The following HIVEP1 variants were observed in gnomAD, a reference collection of about 807,000 sequenced individuals.
HIVEP1 encodes the protein HIVEP zinc finger 1.
Under a neutral mutation model 180.0 loss-of-function variants are expected in HIVEP1, and 36 were observed. The observed-to-expected ratio is 0.20, with a 90% CI of 0.15 to 0.26. The LOEUF (loss-of-function observed/expected upper bound fraction) is 0.26, where lower values mean the gene tolerates loss of function less well. Ranked by LOEUF, HIVEP1 falls within the 10% of genes least tolerant of loss-of-function variation. HIVEP1 has a pLI of 1.00. For missense variants in HIVEP1, 3,143 were observed against 3,268.7 expected (o/e 0.96, Z 0.94); for synonymous variants, 1,239 against 1,239.0 (o/e 1.00, Z 0.00).
intron 7 of HIVEP1, among the ~76,000 whole-genome samples, chr6:12,140,115 T>C (rs978144371): frequency 6.6e-6 from 1 of 152,048 alleles, no homozygotes; most frequent in East Asian, 1.9e-4. Flanking sequence ...TACAGGCGGG[T>C]ACCCCTCTGG....
At chr6:12,100,315 T>A (rs562067244) in intron 3 of HIVEP1, among the ~76,000 whole-genome samples, 1 of 152,180 alleles carries the variant, frequency 6.6e-6, no homozygotes, top group Admixed American at 6.5e-5. Flanking sequence ...GTTAACAATT[T>A]ATAGCATTTT....
chr6:12,118,140 T>TG (rs1491267169), intron 3 of HIVEP1, among the ~76,000 whole-genome samples: 5 of 22,094 alleles, frequency 2.3e-4, no homozygotes, highest in East Asian at 3.8e-3. Context: ...GACCCCCTTT[T>TG]GTTTTTTTTT....
In HIVEP1 at chr6:12,032,139, C is replaced by CTT. The variant is rs71877836; in HGVS notation, c.40+16489_40+16490dup. Among the ~76,000 whole-genome samples the CTT allele has an allele frequency of 8.3e-3, 1,107 of 133,710 alleles. 24 individuals carry two copies. The highest frequency in any genetic ancestry group is 0.03 in the African/African-American group (1,014 of 34,218). The allele number at this position is 133,710 out of a possible 152,430, so 87.7% of individuals were successfully genotyped here. A position where few individuals can be genotyped will look rare whatever the true frequency, so the allele number is the denominator to read the frequency against. ...ATGCAAATGTTAGTTCACTGATAACCTTTTTTTTTTTTTTTTTTTGAGACA... is the reference window on the plus strand; with the variant it reads ...ATGCAAATGTTAGTTCACTGATAACCTTTTTTTTTTTTTTTTTTTTTGAGACA... On this transcript the variant is annotated intron_variant, in intron 2 of 8. Transcript: ENST00000379388.
At chr6:12,060,024 T>C (rs1771127264) in intron 2 of HIVEP1, among the ~76,000 whole-genome samples, 1 of 152,228 alleles carries the variant, frequency 6.6e-6, no homozygotes. Context: ...TGGATTTCAA[T>C]TGATTTCGAA....
chr6:12,135,201 A>G (rs3777772), intron 6 of HIVEP1, among the ~76,000 whole-genome samples: 27,254 of 152,172 alleles, frequency 0.18, 2,937 homozygotes, highest in East Asian at 0.47. Flanking sequence ...GTAAAACCCT[A>G]TATCTATACC....
At chr6:12,201,079 A>G in the HIVEP1 span, among the ~76,000 whole-genome samples, 2 of 152,252 alleles carry the variant, frequency 1.3e-5, no homozygotes, top group Non-Finnish European at 2.9e-5. Context: ...TAGGTGGCCA[A>G]TAAATCATGG....
At chr6:12,177,987 A>G in the HIVEP1 span, among the ~76,000 whole-genome samples, 2 of 152,204 alleles carry the variant, frequency 1.3e-5, no homozygotes, top group Non-Finnish European at 2.9e-5. Context: ...AACATTTCAA[A>G]GTATAACTAT....
At chr6:12,017,013 G>T (rs540495305) in intron 2 of HIVEP1, among the ~76,000 whole-genome samples, 1 of 152,282 alleles carries the variant, frequency 6.6e-6, no homozygotes, top group African/African-American at 2.4e-5. Flanking sequence ...GGCAGCTAAT[G>T]GCAGCCCAAA....
chr6:12,030,345 G>T (rs1005439803), intron 2 of HIVEP1, among the ~76,000 whole-genome samples: 1 of 151,886 alleles, frequency 6.6e-6, no homozygotes, highest in Non-Finnish European at 1.5e-5. Context: ...ATCAAATTTG[G>T]GGAGTTTTTG....
rs1361375113 is a variant in HIVEP1, at chr6:12,012,407, T to A, written c.-263T>A. 1.4e-5 allele frequency: 2 copies of A among 147,748 alleles called. No homozygotes were observed. The highest frequency in any genetic ancestry group is 3.0e-5 in the Non-Finnish European group (2 of 66,434). The allele number at this position is 147,748 out of a possible 1,614,324, so 9.2% of individuals were successfully genotyped here. ...GAGCGGCGGCCGCCGGAGGAGGTTA[T>A]GTTTGTGTTTGGGGTTGTCAAGTGA... On this transcript the variant is annotated 5_prime_UTR_variant, in exon 1 of 9. It removes an upstream start codon present in the reference 5' UTR. Coordinates refer to ENST00000379388, the MANE Select transcript of HIVEP1 (RefSeq NM_002114.4).
chr6:12,077,993 C>T (rs998639088), intron 2 of HIVEP1, among the ~76,000 whole-genome samples: 2 of 152,110 alleles, frequency 1.3e-5, no homozygotes, highest in Non-Finnish European at 2.9e-5. Context: ...GTTGTATTTC[C>T]CCCACAGAGA....
chr6:12,203,679 T>G, the HIVEP1 span, among the ~76,000 whole-genome samples: 1 of 152,208 alleles, frequency 6.6e-6, no homozygotes, highest in African/African-American at 2.4e-5. Flanking sequence ...GAATTGCCAT[T>G]AGGCTGAGCA....
chr6:12,008,514 A>G (rs1767116958), upstream of HIVEP1: 1 of 152,292 alleles, frequency 6.6e-6, no homozygotes, highest in African/African-American at 2.4e-5. Context: ...CCAGGTAGCA[A>G]CAGGAAGCCC....
intron 3 of HIVEP1, among the ~76,000 whole-genome samples, chr6:12,091,050 T>C (rs1007506378): frequency 1.6e-4 from 24 of 152,116 alleles, no homozygotes; most frequent in African/African-American, 5.6e-4. Context: ...TTCATTTTTA[T>C]ACAGAAATTA....
At chr6:12,143,438 G>A (rs1355495516) in intron 7 of HIVEP1, among the ~76,000 whole-genome samples, 1 of 152,202 alleles carries the variant, frequency 6.6e-6, no homozygotes, top group Non-Finnish European at 1.5e-5. Flanking sequence ...CATACTGAAT[G>A]AGCAAAAGCT....
chr6:12,148,669 G>A (rs899218411), intron 7 of HIVEP1, among the ~76,000 whole-genome samples: 2 of 152,188 alleles, frequency 1.3e-5, no homozygotes, highest in African/African-American at 4.8e-5. Context: ...TTTGCTGTGT[G>A]TCAACAGTAG....
chr6:12,172,523 T>C, the HIVEP1 span, among the ~76,000 whole-genome samples: 1 of 152,210 alleles, frequency 6.6e-6, no homozygotes, highest in African/African-American at 2.4e-5. Context: ...CAAAGAGATA[T>C]TGATAAATGA....
At chr6:12,046,845 C>CTGGTGTGTGTG (rs1770156188) in intron 2 of HIVEP1, among the ~76,000 whole-genome samples, 1 of 141,006 alleles carries the variant, frequency 7.1e-6, no homozygotes, top group African/African-American at 2.7e-5. Context: ...TGCCACTACA[C>CTGGTGTGTGTG]TGTGTGTGTG....
chr6:12,026,127 C>A (rs1768571813), intron 2 of HIVEP1, among the ~76,000 whole-genome samples: 1 of 151,986 alleles, frequency 6.6e-6, no homozygotes, highest in Non-Finnish European at 1.5e-5. Flanking sequence ...TAGGCTATGC[C>A]TAGACAAAAA....
Sources: allele counts gnomAD v4.1 joint callset (sites outside exome capture counted in the v4.1 genomes callset), GRCh38; gene constraint gnomAD v4.1.1; transcripts MANE v1.5; gene names NCBI Gene and HGNC (gene_info 2026-07-23, HGNC 2026-07-21).